Variants in ADGRL3 observed in about 807,000 individuals in gnomAD.
ADGRL3 encodes adhesion G protein-coupled receptor L3, also known as calcium-independent alpha-latrotoxin receptor 3.
In ADGRL3, 62 loss-of-function variants were observed where a neutral mutation model predicts 153.5. That is an observed-to-expected ratio of 0.40 (90% CI 0.33 to 0.50). The LOEUF (loss-of-function observed/expected upper bound fraction) is 0.50, where lower values mean the gene tolerates loss of function less well. ADGRL3 is among the 20% of genes least tolerant of loss of function. The pLI, the probability that ADGRL3 is intolerant of heterozygous loss-of-function variation, is 0.47. For missense variants in ADGRL3, 1,641 were observed against 1,859.4 expected (o/e 0.88, Z 2.16); for synonymous variants, 710 against 672.5 (o/e 1.06, Z -0.86).
intron 8 of ADGRL3, among the ~76,000 whole-genome samples, chr4:61,783,507 G>A (rs181682840): frequency 1.8e-4 from 27 of 152,130 alleles, no homozygotes; most frequent in Admixed American, 2.6e-4. Context: ...GGTAGTTCTA[G>A]GAAATTGTAT....
intron 3 of ADGRL3, among the ~76,000 whole-genome samples, chr4:61,503,947 T>G (rs1465285906): frequency 6.6e-6 from 1 of 152,132 alleles, no homozygotes; most frequent in Admixed American, 6.5e-5. Flanking sequence ...CTCATCTATT[T>G]TATGTTGAAT....
chr4:61,460,307 C>T (rs891076855), intron 2 of ADGRL3, among the ~76,000 whole-genome samples: 2 of 152,052 alleles, frequency 1.3e-5, no homozygotes, highest in Non-Finnish European at 2.9e-5. Flanking sequence ...TTTCCCAGAA[C>T]CACTTATTGA....
intron 5 of ADGRL3, among the ~76,000 whole-genome samples, chr4:61,625,314 C>A (rs1009237953): frequency 4.6e-5 from 7 of 151,888 alleles, no homozygotes; most frequent in Non-Finnish European, 1.0e-4. Context: ...AAAGTTCAGT[C>A]ATAAACATAA....
intron 6 of ADGRL3, among the ~76,000 whole-genome samples, chr4:61,718,159 C>A (rs76810180): frequency 0.016 from 2,379 of 151,960 alleles, 44 homozygotes; most frequent in East Asian, 0.079. Context: ...AGAATATTAA[C>A]CAAAAATAAC....
chr4:61,277,544 C>G (rs1349700293), intron 1 of ADGRL3, among the ~76,000 whole-genome samples: 4 of 151,988 alleles, frequency 2.6e-5, no homozygotes, highest in Non-Finnish European at 4.4e-5. Context: ...GAGTCAGCAT[C>G]TTGGTGTAGA....
At chr4:61,876,911 A>T (rs57382768) in intron 9 of ADGRL3, among the ~76,000 whole-genome samples, 2 of 48,408 alleles carry the variant, frequency 4.1e-5, no homozygotes, top group Admixed American at 3.2e-4. Flanking sequence ...TTCACTTTAA[A>T]AAAAAAAAAA....
intron 2 of ADGRL3, among the ~76,000 whole-genome samples, chr4:61,459,658 T>C (rs2097788404): frequency 6.6e-6 from 1 of 152,150 alleles, no homozygotes; most frequent in Non-Finnish European, 1.5e-5. Context: ...ACTGTAATAA[T>C]TTACATTTCC....
At chr4:61,773,498 A>C (rs1258666840) in intron 8 of ADGRL3, among the ~76,000 whole-genome samples, 1 of 152,236 alleles carries the variant, frequency 6.6e-6, no homozygotes, top group African/African-American at 2.4e-5. Flanking sequence ...TTAATAAAAG[A>C]AGCCCTCACT....
At chr4:61,877,533 A>C (rs1467157852) in intron 9 of ADGRL3, among the ~76,000 whole-genome samples, 1 of 152,212 alleles carries the variant, frequency 6.6e-6, no homozygotes, top group Admixed American at 6.5e-5. Flanking sequence ...ACATGCACAC[A>C]TGAATGGAGA....
intron 5 of ADGRL3, among the ~76,000 whole-genome samples, chr4:61,651,443 T>A (rs1241342450): frequency 6.6e-6 from 1 of 152,196 alleles, no homozygotes; most frequent in African/African-American, 2.4e-5. Context: ...AGTAGCCTTA[T>A]CAGCATCCTT....
rs374713521 is a variant in ADGRL3, at chr4:61,908,323, G to A, written c.1888-1237G>A. Reference sequence around the variant, plus strand: ...AAAAAAGAAAAGAAAAAGGCCGGGCGTAGTGGCTCATGCCTGTAATCCCAT... The same window carrying A: ...AAAAAAGAAAAGAAAAAGGCCGGGCATAGTGGCTCATGCCTGTAATCCCAT... On this transcript the variant is annotated intron_variant, in intron 11 of 26. Transcript: ENST00000683033. Among the ~76,000 whole-genome samples the A allele has an allele frequency of 1.1e-4, 17 of 152,228 alleles. No individual in the cohort carries two copies. The East Asian group carries it at 2.9e-3, about 26-fold the overall frequency.
chr4:61,760,419 G>A (rs762412776), intron 8 of ADGRL3, among the ~76,000 whole-genome samples: 6 of 152,094 alleles, frequency 3.9e-5, no homozygotes, highest in Non-Finnish European at 8.8e-5. Flanking sequence ...GCTGTTCTGG[G>A]AATAAGCGAG....
At chr4:62,030,426 T>A (rs62306379) in intron 22 of ADGRL3, among the ~76,000 whole-genome samples, 31,674 of 151,394 alleles carry the variant, frequency 0.21, 3,822 homozygotes, top group South Asian at 0.41. Context: ...CTCTACTGAT[T>A]TGGTCCTGTT....
chr4:61,384,358 A>G (rs941680985), intron 2 of ADGRL3, among the ~76,000 whole-genome samples: 4 of 151,566 alleles, frequency 2.6e-5, no homozygotes, highest in African/African-American at 9.7e-5. Flanking sequence ...TTTGCAAACA[A>G]TTAATATTAT....
intron 3 of ADGRL3, among the ~76,000 whole-genome samples, chr4:61,504,691 T>C (rs2098415800): frequency 6.6e-6 from 1 of 152,188 alleles, no homozygotes; most frequent in African/African-American, 2.4e-5. Flanking sequence ...GTAACCATCA[T>C]TCTACTCTCT....
At chr4:61,842,024 T>C (rs1241874326) in intron 9 of ADGRL3, among the ~76,000 whole-genome samples, 5 of 152,224 alleles carry the variant, frequency 3.3e-5, no homozygotes, top group African/African-American at 1.2e-4. Flanking sequence ...GAAAATTATA[T>C]GAAATGGCAA....
chr4:61,577,674 A>C (rs1352504343), intron 4 of ADGRL3, among the ~76,000 whole-genome samples: 1 of 151,682 alleles, frequency 6.6e-6, no homozygotes, highest in South Asian at 2.1e-4. Context: ...TTAGCCAGGC[A>C]TGGTGGCGCA....
At chr4:61,598,037 C>T (rs1448682959) in intron 5 of ADGRL3, among the ~76,000 whole-genome samples, 4 of 151,988 alleles carry the variant, frequency 2.6e-5, no homozygotes, top group Admixed American at 1.3e-4. Context: ...CTAGGTAATT[C>T]AAGTAGATCA....
intron 8 of ADGRL3, among the ~76,000 whole-genome samples, chr4:61,803,008 G>T (rs2097517311): frequency 6.6e-6 from 1 of 151,934 alleles, no homozygotes; most frequent in Admixed American, 6.6e-5. Context: ...ATAATATGAA[G>T]AATTTTCTCC....
Sources: gnomAD v4.1 joint callset for allele counts (sites outside exome capture counted in the v4.1 genomes callset) on GRCh38, gnomAD v4.1.1 for gene constraint, MANE v1.5 for transcripts, NCBI Gene and HGNC (gene_info 2026-07-23, HGNC 2026-07-21) for gene names.